PDE4B: variants seen among roughly 807,000 people sequenced by gnomAD.
PDE4B encodes 3',5'-cyclic-AMP phosphodiesterase 4B.
PDE4B carries 20 observed loss-of-function variants against 82.2 expected under a neutral mutation model. The ratio of observed to expected loss-of-function variants is 0.24; its 90% confidence interval spans 0.17 to 0.35. PDE4B has a LOEUF of 0.35. Among genes scored for constraint, PDE4B ranks in the 10% least tolerant of loss-of-function variants. PDE4B has a pLI of 1.00. For missense variants in PDE4B, 655 were observed against 907.2 expected, an observed-to-expected ratio of 0.72 and a Z score of 3.57; for synonymous variants, 320 against 318.9, an observed-to-expected ratio of 1.00 and a Z score of -0.04.
intron 3 of PDE4B, among the ~76,000 whole-genome samples, chr1:66,007,992 G>A (rs562761599): frequency 2.0e-5 from 3 of 152,086 alleles, no homozygotes; most frequent in Admixed American, 6.6e-5. Context: ...TACACAACCC[G>A]CCCCATCCCC....
At position 65,793,012 on chromosome 1, in the gene PDE4B, C is replaced by CCCGGGGCT. The variant is rs1645589201; in HGVS notation, c.-304_-297dup. On this transcript the variant is annotated 5_prime_UTR_variant, in exon 1 of 17. Coordinates refer to ENST00000341517, the MANE Select transcript of PDE4B (RefSeq NM_002600.4). ...CGCGCCCCCGGCCCGCGCGCCCCTT[C>CCCGGGGCT]CCGGGGCTCCTGGCCTCGCCTCAGC... is the stretch of plus-strand genomic sequence containing the variant. Among the ~76,000 whole-genome samples the CCCGGGGCT allele has an allele frequency of 6.6e-6, 1 of 151,836 alleles. No individual in the cohort carries two copies. The highest frequency in any genetic ancestry group is 1.5e-5 in the Non-Finnish European group (1 of 67,928).
chr1:65,820,228 A>G (rs1645937426), intron 1 of PDE4B, among the ~76,000 whole-genome samples: 1 of 152,162 alleles, frequency 6.6e-6, no homozygotes, highest in Admixed American at 6.5e-5. Context: ...CTCATTCTCC[A>G]TTTTCTTAGA....
intron 1 of PDE4B, among the ~76,000 whole-genome samples, chr1:65,884,008 C>T (rs1298716793): frequency 6.6e-6 from 1 of 151,672 alleles, no homozygotes; most frequent in African/African-American, 2.4e-5. Flanking sequence ...GGATGAAGCC[C>T]ACTTGATCAT....
At chr1:66,258,221 A>T (rs1654400761) in intron 6 of PDE4B, among the ~76,000 whole-genome samples, 1 of 152,242 alleles carries the variant, frequency 6.6e-6, no homozygotes, top group African/African-American at 2.4e-5. Context: ...TTATTAATGA[A>T]TTCAGATATT....
At chr1:66,063,205 G>A (rs1655672114) in intron 3 of PDE4B, among the ~76,000 whole-genome samples, 1 of 152,000 alleles carries the variant, frequency 6.6e-6, no homozygotes, top group South Asian at 2.1e-4. Flanking sequence ...CTGCAAAGAT[G>A]GGAGTTTGTC....
chr1:65,962,678 T>A (rs1937464), intron 3 of PDE4B, among the ~76,000 whole-genome samples: 10,982 of 152,158 alleles, frequency 0.072, 943 homozygotes, highest in East Asian at 0.43. Flanking sequence ...GAAGCAAAGA[T>A]GGAATATTAT....
chr1:66,236,993 G>A (rs1320568647), intron 3 of PDE4B, among the ~76,000 whole-genome samples: 5 of 152,148 alleles, frequency 3.3e-5, no homozygotes, highest in African/African-American at 1.2e-4. Context: ...ATGAAATGAG[G>A]TAATATATAC....
chr1:66,172,210 T>C (rs987932966), intron 3 of PDE4B, among the ~76,000 whole-genome samples: 15 of 152,252 alleles, frequency 9.9e-5, no homozygotes, highest in African/African-American at 3.1e-4. Context: ...TATTTGCTTT[T>C]CTGTTCCTGC....
At chr1:66,030,359 G>A (rs1653704123) in intron 3 of PDE4B, among the ~76,000 whole-genome samples, 1 of 152,130 alleles carries the variant, frequency 6.6e-6, no homozygotes, top group Non-Finnish European at 1.5e-5. Context: ...GAAGATGCTG[G>A]ATTTGTAGGA....
chr1:65,844,491 G>A (rs1006177290), intron 1 of PDE4B, among the ~76,000 whole-genome samples: 2 of 151,990 alleles, frequency 1.3e-5, no homozygotes, highest in Admixed American at 1.3e-4. Flanking sequence ...GCTAAAACTG[G>A]CTTAATTCAT....
At chr1:65,847,698 T>C (rs1241167236) in intron 1 of PDE4B, among the ~76,000 whole-genome samples, 1 of 152,186 alleles carries the variant, frequency 6.6e-6, no homozygotes, top group Admixed American at 6.5e-5. Context: ...ATGTAAGTGT[T>C]GAACACATAG....
chr1:66,329,930 A>G (rs987694730), intron 7 of PDE4B, among the ~76,000 whole-genome samples: 6 of 152,084 alleles, frequency 3.9e-5, no homozygotes, highest in Non-Finnish European at 5.9e-5. Context: ...CATTCCTCCA[A>G]TTATTTACTG....
chr1:65,970,356 T>C (rs1169296392), intron 3 of PDE4B, among the ~76,000 whole-genome samples: 1 of 152,128 alleles, frequency 6.6e-6, no homozygotes, highest in Non-Finnish European at 1.5e-5. Context: ...CTAGACTACC[T>C]TCTTTCCTAT....
chr1:65,853,529 C>A (rs868092855), intron 1 of PDE4B, among the ~76,000 whole-genome samples: 7 of 144,482 alleles, frequency 4.8e-5, no homozygotes, highest in African/African-American at 1.7e-4. Flanking sequence ...GCATTATAAC[C>A]CTTTTTTTTT....
At chr1:66,202,698 T>G (rs1649111558) in intron 3 of PDE4B, among the ~76,000 whole-genome samples, 1 of 152,154 alleles carries the variant, frequency 6.6e-6, no homozygotes, top group African/African-American at 2.4e-5. Flanking sequence ...TCCATTTGTT[T>G]GGTAGATCTT....
intron 1 of PDE4B, among the ~76,000 whole-genome samples, chr1:65,794,890 G>C (rs1645613712): frequency 6.6e-6 from 1 of 152,084 alleles, no homozygotes; most frequent in South Asian, 2.1e-4. Context: ...GTGTCTACTT[G>C]TATTTTTATC....
At chr1:66,355,950 A>C (rs1288104187) in intron 9 of PDE4B, among the ~76,000 whole-genome samples, 1 of 152,168 alleles carries the variant, frequency 6.6e-6, no homozygotes, top group African/African-American at 2.4e-5. Context: ...CAATCACCCA[A>C]GCCCTAGAGG....
intron 1 of PDE4B, among the ~76,000 whole-genome samples, chr1:65,880,264 G>GAA (rs1387405550): frequency 6.6e-6 from 1 of 152,184 alleles, no homozygotes; most frequent in Non-Finnish European, 1.5e-5. Flanking sequence ...TTAGACAAGG[G>GAA]TGATTCATAC....
chr1:66,211,684 C>A (rs1173829879), intron 3 of PDE4B, among the ~76,000 whole-genome samples: 8 of 152,168 alleles, frequency 5.3e-5, no homozygotes, highest in African/African-American at 1.9e-4. Context: ...CTTAGGGGAG[C>A]GAAGTAACTT....
Sources: allele counts gnomAD v4.1 joint callset (sites outside exome capture counted in the v4.1 genomes callset), GRCh38; gene constraint gnomAD v4.1.1; transcripts MANE v1.5; gene names NCBI Gene and HGNC (gene_info 2026-07-23, HGNC 2026-07-21).